Variants in OR2C1 observed in about 807,000 individuals in gnomAD.
OR2C1 encodes the protein olfactory receptor 2C1.
For missense variants in OR2C1, 468 were observed against 388.3 expected (o/e 1.21, Z -1.73); for synonymous variants, 209 against 167.3 (o/e 1.25, Z -1.92).
At chr16:3,338,094 G>A in the OR2C1 span, among the ~76,000 whole-genome samples, 1 of 152,148 alleles carries the variant, frequency 6.6e-6, no homozygotes, top group Admixed American at 6.6e-5. Context: ...GCTTATCCCA[G>A]TAGTGTGGGA....
chr16:3,339,214 G>A, the OR2C1 span, among the ~76,000 whole-genome samples: 1 of 149,064 alleles, frequency 6.7e-6, no homozygotes, highest in South Asian at 2.1e-4. Flanking sequence ...GCTGAATAAT[G>A]TTCTATAGCA....
chr16:3,323,788 C>G, the OR2C1 span: 1 of 750,698 alleles, frequency 1.3e-6, no homozygotes, highest in Non-Finnish European at 2.3e-6. Flanking sequence ...TAAACCTGAG[C>G]CCTTTTCCTT....
upstream of OR2C1, among the ~76,000 whole-genome samples, chr16:3,352,610 T>A (rs6501171): frequency 0.5 from 75,759 of 151,826 alleles, 19,746 homozygotes; most frequent in East Asian, 0.78. Context: ...CTCCCCCATT[T>A]CTAGTTCTTG....
the OR2C1 span, among the ~76,000 whole-genome samples, chr16:3,338,760 T>A: frequency 6.6e-6 from 1 of 151,952 alleles, no homozygotes; most frequent in Admixed American, 6.6e-5. Flanking sequence ...ATGGTCTCGA[T>A]CTCCTGACCT....
chr16:3,323,085 G>T, the OR2C1 span: 3 of 517,004 alleles, frequency 5.8e-6, no homozygotes, highest in Middle Eastern at 6.3e-4. Flanking sequence ...GATAAAGCAG[G>T]AAATAGTCTT....
upstream of OR2C1, among the ~76,000 whole-genome samples, chr16:3,355,465 A>AAAAAAAAACAAAAAC (rs1382052254): frequency 7.1e-6 from 1 of 141,638 alleles, no homozygotes; most frequent in Non-Finnish European, 1.5e-5. Context: ...CTCAAAAAAA[A>AAAAAAAAACAAAAAC]AAAAAAAGCT....
upstream of OR2C1, among the ~76,000 whole-genome samples, chr16:3,353,939 A>T (rs976510845): frequency 1.2e-4 from 18 of 151,132 alleles, no homozygotes; most frequent in African/African-American, 4.4e-4. Context: ...TTTTTTGTTC[A>T]TGAGATGGGT....
the OR2C1 span, among the ~76,000 whole-genome samples, chr16:3,324,191 T>G: frequency 6.6e-6 from 1 of 151,914 alleles, no homozygotes. Flanking sequence ...GGAAAAAAAA[T>G]TTTTTATTTT....
At chr16:3,341,269 A>G in the OR2C1 span, among the ~76,000 whole-genome samples, 1 of 151,966 alleles carries the variant, frequency 6.6e-6, no homozygotes, top group African/African-American at 2.4e-5. Context: ...ATATATTGAA[A>G]CACAACTAAT....
At chr16:3,347,803 C>T in the OR2C1 span, among the ~76,000 whole-genome samples, 3,369 of 149,396 alleles carry the variant, frequency 0.023, 120 homozygotes, top group African/African-American at 0.068. Context: ...CATGCACACA[C>T]GCACGTGCAC....
At chr16:3,337,966 A>G in the OR2C1 span, among the ~76,000 whole-genome samples, 17 of 152,090 alleles carry the variant, frequency 1.1e-4, no homozygotes, top group African/African-American at 3.6e-4. Flanking sequence ...GCTGCCCCCA[A>G]CCCTAGGTAG....
At chr16:3,335,916 T>A in the OR2C1 span, among the ~76,000 whole-genome samples, 1 of 152,174 alleles carries the variant, frequency 6.6e-6, no homozygotes, top group African/African-American at 2.4e-5. Flanking sequence ...ATTTCTTTCT[T>A]TTTGCCTAAT....
upstream of OR2C1, among the ~76,000 whole-genome samples, chr16:3,351,506 C>G (rs1323323746): frequency 6.6e-6 from 1 of 152,086 alleles, no homozygotes; most frequent in Non-Finnish European, 1.5e-5. Context: ...GTAAAAAACC[C>G]ACTTCTCCCT....
At chr16:3,331,567 A>G in the OR2C1 span, among the ~76,000 whole-genome samples, 1 of 150,366 alleles carries the variant, frequency 6.7e-6, no homozygotes, top group Admixed American at 6.7e-5. Context: ...TTTTTGTATA[A>G]GGTGTAAGGA....
the OR2C1 span, chr16:3,323,616 G>T: frequency 1.4e-6 from 1 of 736,026 alleles, no homozygotes; most frequent in Non-Finnish European, 2.5e-6. Flanking sequence ...ATGGCTGTCT[G>T]CACCAGTAGA....
rs1292682211 is a variant in OR2C1 at position 3,356,563 on chromosome 16, C to T, written c.623C>T (p.Ala208Val). 1.2e-6 allele frequency: 2 copies of T among 1,614,184 alleles called. No individual in the cohort carries two copies. Among genetic ancestry groups the T allele is most frequent in the South Asian group, 1.1e-5 (1 of 91,092 alleles). ...VLNGVCTFFT[A>V]VPLSIIVISY... ...AATGGTGTCTGCACCTTCTTCACTG[C>T]AGTCCCACTAAGCATCATCGTGATC... Residue 208 changes from alanine (A) to valine (V), a missense_variant, in exon 1 of 1, where the codon GCA becomes GTA. By Grantham distance (64) the Ala-to-Val change is moderately conservative (BLOSUM62 0). Coordinates refer to ENST00000304936, the MANE Select transcript of OR2C1 (RefSeq NM_012368.3).
At chr16:3,353,666 T>C (rs2030609968), upstream of OR2C1, among the ~76,000 whole-genome samples, 1 of 151,772 alleles carries the variant, frequency 6.6e-6, no homozygotes, top group South Asian at 2.1e-4. Context: ...TCAGGCGTGG[T>C]GGTGCACTCC....
the OR2C1 span, chr16:3,323,663 G>A: frequency 1.4e-6 from 1 of 694,120 alleles, no homozygotes; most frequent in Non-Finnish European, 2.6e-6. Context: ...TACAACAAAG[G>A]CCAAGGAATG....
the OR2C1 span, among the ~76,000 whole-genome samples, chr16:3,340,278 C>A: frequency 0.038 from 5,661 of 149,718 alleles, 138 homozygotes; most frequent in Non-Finnish European, 0.054. Flanking sequence ...AACTCTGTCT[C>A]AAAAAAAAAG....
Sources: gnomAD v4.1 joint callset for allele counts (sites outside exome capture counted in the v4.1 genomes callset) on GRCh38, gnomAD v4.1.1 for gene constraint, MANE v1.5 for transcripts, NCBI Gene and HGNC (gene_info 2026-07-23, HGNC 2026-07-21) for gene names.